MTG2: variants seen among roughly 807,000 people sequenced by gnomAD.
MTG2 encodes mitochondrial ribosome associated GTPase 2, also known as mitochondrial ribosome-associated GTPase 2.
In MTG2, 23 loss-of-function variants were observed where a neutral mutation model predicts 28.6. That is an observed-to-expected ratio of 0.80 (90% confidence interval 0.58 to 1.14). The LOEUF (loss-of-function observed/expected upper bound fraction) is 1.14. Ranked by LOEUF, MTG2 falls within the 50% of genes most tolerant of loss-of-function variation. The pLI is 0.00. For synonymous variants in MTG2, 260 were observed against 251.8 expected (o/e 1.03, Z -0.31); for missense variants, 539 against 552.0 (o/e 0.98, Z 0.24).
intron 3 of MTG2, 154 bp from the exon 4 acceptor site, chr20:62,197,697 TA>T: frequency 1.6e-6 from 1 of 607,390 alleles, no homozygotes; most frequent in Non-Finnish European, 2.9e-6. Flanking sequence ...ATTTCATTTT[TA>T]AAAAATCACT....
chr20:62,191,430 G>A (rs978649963), intron 1 of MTG2, among the ~76,000 whole-genome samples: 1 of 152,182 alleles, frequency 6.6e-6, no homozygotes, highest in African/African-American at 2.4e-5. Context: ...AAGTCCAGTC[G>A]GCGACTGACT....
Position 62,197,859 on chromosome 20 carries a change from G to A in MTG2, c.360G>A (p.Gln120=). ...NGGHVILRVD[Q]QVKSLSSVLS... ...TTCTTGTTCTTGCTTTAGTTGACCA[G>A]CAAGTCAAGTCCCTGTCGTCGGTCC... Residue 120 remains glutamine (Q), a synonymous_variant, in exon 4 of 7, where the codon CAG becomes CAA. Coordinates refer to ENST00000370823, the MANE Select transcript of MTG2 (RefSeq NM_015666.4). The A allele has an allele frequency of 3.1e-6, 5 of 1,614,160 alleles. No homozygotes were observed. Among genetic ancestry groups the A allele is most frequent in the Non-Finnish European group, 4.2e-6 (5 of 1,179,980 alleles).
At chr20:62,194,586 AT>A (rs983886181) in intron 2 of MTG2, among the ~76,000 whole-genome samples, 7 of 151,820 alleles carry the variant, frequency 4.6e-5, no homozygotes, top group African/African-American at 1.2e-4. Context: ...AAATTTTTAA[AT>A]TTTTTTTTGT....
At chr20:62,184,952 A>G (rs1400769671) in intron 1 of MTG2, among the ~76,000 whole-genome samples, 3 of 151,842 alleles carry the variant, frequency 2.0e-5, no homozygotes, top group Non-Finnish European at 2.9e-5. Flanking sequence ...TCTATTAAAA[A>G]TACAAAAATG....
intron 1 of MTG2, among the ~76,000 whole-genome samples, chr20:62,184,734 C>G (rs1003848617): frequency 3.3e-5 from 5 of 152,198 alleles, no homozygotes; most frequent in Non-Finnish European, 7.3e-5. Context: ...GGGTGGAAAG[C>G]TGGTCTGGAA....
Position 62,184,698 on chromosome 20 carries a change from A to G in MTG2, c.-6+1641A>G, listed in dbSNP as rs1387577227. On this transcript the variant is annotated intron_variant, in intron 1 of 6. Transcript: ENST00000370823. ...GTAGGTTTTCCTATGGGGCAAGCTCAGGCTCCTGACACACAGCACAGGGCA... is the reference window on the plus strand; with the variant it reads ...GTAGGTTTTCCTATGGGGCAAGCTCGGGCTCCTGACACACAGCACAGGGCA... Among the ~76,000 whole-genome samples, 3 of 152,210 alleles carry G rather than the reference A, an allele frequency of 2.0e-5. No homozygotes were observed. The East Asian group carries it at 5.8e-4, about 29-fold the overall frequency.
chr20:62,192,115 C>A (rs2057971786), intron 1 of MTG2, among the ~76,000 whole-genome samples: 2 of 152,252 alleles, frequency 1.3e-5, no homozygotes. Flanking sequence ...TCTGACCCTG[C>A]CGCGGTTATC....
intron 1 of MTG2, among the ~76,000 whole-genome samples, chr20:62,186,194 G>A (rs970210343): frequency 6.6e-6 from 1 of 152,110 alleles, no homozygotes; most frequent in South Asian, 2.1e-4. Flanking sequence ...GATAGCTCTG[G>A]GTTAAGTCTC....
intron 1 of MTG2, among the ~76,000 whole-genome samples, chr20:62,189,449 A>G (rs891851087): frequency 6.6e-6 from 1 of 152,074 alleles, no homozygotes; most frequent in Admixed American, 6.5e-5. Flanking sequence ...AGCTGGGACT[A>G]TAGGGGTGCG....
chr20:62,190,013 T>C (rs994447374), intron 1 of MTG2, among the ~76,000 whole-genome samples: 4 of 152,232 alleles, frequency 2.6e-5, no homozygotes, highest in Non-Finnish European at 4.4e-5. Context: ...AGGTGCACTT[T>C]TATTATTTGT....
rs2058154067 is a variant in MTG2 at position 62,200,759 on chromosome 20, G to A, written c.903G>A (p.Glu301=). Reference sequence around the variant, plus strand: ...GGTCCGCCTTCCTCAGGCACATCGAGCGCTGCCGCTTTCTCTTGTTCGTGG... The same window carrying A: ...GGTCCGCCTTCCTCAGGCACATCGAACGCTGCCGCTTTCTCTTGTTCGTGG... ...GLGSAFLRHI[E]RCRFLLFVVD... is the part of the protein sequence containing the mutation. The change falls in exon 7 of 7, where the codon GAG becomes GAA. Residue 301 remains glutamate (E), a synonymous_variant. Transcript: ENST00000370823. The A allele has an allele frequency of 1.2e-6, 2 of 1,613,732 alleles. No individual in the cohort carries two copies. The highest frequency in any genetic ancestry group is 1.7e-6 in the Non-Finnish European group (2 of 1,180,042).
chr20:62,186,378 T>C (rs2057844997), intron 1 of MTG2, among the ~76,000 whole-genome samples: 1 of 152,214 alleles, frequency 6.6e-6, no homozygotes, highest in Non-Finnish European at 1.5e-5. Flanking sequence ...TCAGGTACTT[T>C]TTGTATTTGG....
rs1449900652 is a variant in MTG2 at position 62,203,135 on chromosome 20, T to G, written c.*2058T>G. 1 of 152,234 alleles carries G rather than the reference T, an allele frequency of 6.6e-6. No homozygotes were observed. The highest frequency in any genetic ancestry group is 1.9e-4 in the East Asian group (1 of 5,188). The allele number at this position is 152,234 out of a possible 1,614,324, so 9.4% of individuals were successfully genotyped here. A position where few individuals can be genotyped will look rare whatever the true frequency, so the allele number is the denominator to read the frequency against. ...GCCCCAGGCCTGACGGCGTTAATTA[T>G]CCCTGGCTTTCATCTTGATGCTCTT... On this transcript the variant is annotated 3_prime_UTR_variant, in exon 7 of 7. Coordinates refer to ENST00000370823, the MANE Select transcript of MTG2 (RefSeq NM_015666.4).
intron 1 of MTG2, among the ~76,000 whole-genome samples, chr20:62,184,057 A>G (rs184723615): frequency 6.0e-4 from 91 of 152,344 alleles, no homozygotes; most frequent in African/African-American, 2.0e-3. Context: ...TAAAAAATGT[A>G]AAGTCAAGAA....
intron 1 of MTG2, among the ~76,000 whole-genome samples, chr20:62,184,785 G>A (rs1381262479): frequency 1.3e-5 from 2 of 152,178 alleles, no homozygotes; most frequent in Non-Finnish European, 2.9e-5. Context: ...ATTACCCCTC[G>A]CAGGGTATTA....
chr20:62,197,792 T>A, intron 3 of MTG2, 60 bp from the exon 4 acceptor site: 1 of 1,455,216 alleles, frequency 6.9e-7, no homozygotes, highest in Non-Finnish European at 9.7e-7. Flanking sequence ...CCCAGACACA[T>A]CAGCAATAGG....
In MTG2 at chr20:62,201,473, G is replaced by C. The variant is rs1006895643; in HGVS notation, c.*396G>C. 1 of 195,780 alleles carries C rather than the reference G, an allele frequency of 5.1e-6. No individual in the cohort carries two copies. The highest frequency in any genetic ancestry group is 1.0e-5 in the Non-Finnish European group (1 of 95,284). 12.1% of individuals were successfully genotyped at this position (195,780 alleles called of 1,614,324 possible). Reference sequence around the variant, plus strand: ...CCCCAGGTCAGAAGTGCAGACCAGGGTTCTCAGCACAGTGCCCGTCGTGCT... The same window carrying C: ...CCCCAGGTCAGAAGTGCAGACCAGGCTTCTCAGCACAGTGCCCGTCGTGCT... On this transcript the variant is annotated 3_prime_UTR_variant, in exon 7 of 7. Coordinates refer to ENST00000370823, the MANE Select transcript of MTG2 (RefSeq NM_015666.4).
intron 1 of MTG2, among the ~76,000 whole-genome samples, chr20:62,192,116 C>G (rs755512301): frequency 2.8e-4 from 42 of 152,214 alleles, no homozygotes; most frequent in Admixed American, 5.9e-4. Flanking sequence ...CTGACCCTGC[C>G]GCGGTTATCA....
intron 1 of MTG2, among the ~76,000 whole-genome samples, chr20:62,184,958 A>C (rs553491089): frequency 6.6e-6 from 1 of 151,974 alleles, no homozygotes; most frequent in South Asian, 2.1e-4. Flanking sequence ...AAAAATACAA[A>C]AATGAGCTGG....
Sources: allele counts gnomAD v4.1 joint callset (sites outside exome capture counted in the v4.1 genomes callset), GRCh38; gene constraint gnomAD v4.1.1; transcripts MANE v1.5; gene names NCBI Gene and HGNC (gene_info 2026-07-23, HGNC 2026-07-21).